Variants in LYPLAL1 observed in about 807,000 individuals in gnomAD.
LYPLAL1 encodes the protein lysophospholipase like 1.
LYPLAL1 carries 23 observed loss-of-function variants against 19.7 expected under a neutral mutation model. The observed-to-expected ratio is 1.17, with a 90% CI of 0.84 to 1.65. The LOEUF (loss-of-function observed/expected upper bound fraction) is 1.65, where lower values mean the gene tolerates loss of function less well. Ranked by LOEUF, LYPLAL1 falls within the 40% of genes most tolerant of loss-of-function variation. The probability of loss-of-function intolerance (pLI) is 0.00; values close to 1 mark genes in which losing one functional copy is unlikely to be tolerated. For synonymous variants in LYPLAL1, 119 were observed against 96.3 expected (o/e 1.24, Z -1.38); for missense variants, 355 against 279.4 (o/e 1.27, Z -1.93).
At chr1:219,322,570 T>G in the LYPLAL1 span, among the ~76,000 whole-genome samples, 1 of 152,218 alleles carries the variant, frequency 6.6e-6, no homozygotes, top group Non-Finnish European at 1.5e-5. Context: ...CTTTTAGGCA[T>G]TCTTCCAGAA....
the LYPLAL1 span, among the ~76,000 whole-genome samples, chr1:219,358,818 T>TAGTGCGTGTGTG: frequency 6.6e-6 from 1 of 151,580 alleles, no homozygotes; most frequent in African/African-American, 2.4e-5. Flanking sequence ...TACATAATTA[T>TAGTGCGTGTGTG]AGTGCGTGTG....
At chr1:219,290,193 G>A in the LYPLAL1 span, among the ~76,000 whole-genome samples, 1 of 152,316 alleles carries the variant, frequency 6.6e-6, no homozygotes, top group East Asian at 1.9e-4. Context: ...AAATGGACAT[G>A]ATTGTGGCTC....
chr1:219,267,783 A>C, the LYPLAL1 span, among the ~76,000 whole-genome samples: 1 of 152,230 alleles, frequency 6.6e-6, no homozygotes, highest in Non-Finnish European at 1.5e-5. Context: ...AGTTAGATAG[A>C]TATGACTCCA....
chr1:219,218,645 A>G, the LYPLAL1 span, among the ~76,000 whole-genome samples: 6 of 152,216 alleles, frequency 3.9e-5, no homozygotes, highest in African/African-American at 1.4e-4. Flanking sequence ...TTCAGACTAT[A>G]TGATCACTCA....
chr1:219,250,632 A>T, the LYPLAL1 span, among the ~76,000 whole-genome samples: 10 of 151,978 alleles, frequency 6.6e-5, no homozygotes, highest in East Asian at 1.7e-3. Context: ...AAAAGACATG[A>T]TCTCATTCTT....
the LYPLAL1 span, among the ~76,000 whole-genome samples, chr1:219,279,051 A>G: frequency 6.6e-6 from 1 of 152,188 alleles, no homozygotes; most frequent in African/African-American, 2.4e-5. Context: ...GATTCCTTCC[A>G]GGAATCCAGC....
At chr1:219,404,167 C>T in the LYPLAL1 span, among the ~76,000 whole-genome samples, 1 of 152,088 alleles carries the variant, frequency 6.6e-6, no homozygotes, top group Non-Finnish European at 1.5e-5. Context: ...CTCATCTCAT[C>T]ATAAGAGCCC....
At chr1:219,262,836 A>G in the LYPLAL1 span, among the ~76,000 whole-genome samples, 1 of 152,210 alleles carries the variant, frequency 6.6e-6, no homozygotes, top group African/African-American at 2.4e-5. Context: ...TGAAGTTGTC[A>G]CATGGACAGA....
chr1:219,175,049 G>C lies in LYPLAL1; in HGVS notation c.91+1068G>C, dbSNP rs887227515. ...GGCTTAAATGGGACGGTGATTGGAA[G>C]GGAATTGGAAAGGTACTGGGCAGAG... On this transcript the variant is annotated intron_variant, in intron 1 of 4. Coordinates refer to ENST00000366928, the MANE Select transcript of LYPLAL1 (RefSeq NM_138794.5). The C allele has an allele frequency of 8.1e-6, 8 of 985,324 alleles. No homozygotes were observed. The African/African-American group carries it at 1.4e-4, about 17-fold the overall frequency. 61.0% of individuals were successfully genotyped at this position (985,324 alleles called of 1,614,324 possible).
At chr1:219,329,100 A>G in the LYPLAL1 span, among the ~76,000 whole-genome samples, 1 of 151,868 alleles carries the variant, frequency 6.6e-6, no homozygotes, top group African/African-American at 2.4e-5. Context: ...TTGTAGTTCA[A>G]CACTTTTCAA....
chr1:219,331,165 T>C, the LYPLAL1 span, among the ~76,000 whole-genome samples: 1 of 152,160 alleles, frequency 6.6e-6, no homozygotes, highest in African/African-American at 2.4e-5. Context: ...AATATAGATA[T>C]CTCAGGCATT....
the LYPLAL1 span, among the ~76,000 whole-genome samples, chr1:219,430,536 G>A: frequency 6.6e-6 from 1 of 152,182 alleles, no homozygotes; most frequent in Non-Finnish European, 1.5e-5. Context: ...ATGTTTGTGG[G>A]ATGAGCAAGT....
chr1:219,327,096 CA>C, the LYPLAL1 span, among the ~76,000 whole-genome samples: 3 of 152,044 alleles, frequency 2.0e-5, no homozygotes, highest in Non-Finnish European at 4.4e-5. Context: ...GACCCCGTCT[CA>C]AAAAACAAAA....
the LYPLAL1 span, among the ~76,000 whole-genome samples, chr1:219,279,578 A>G: frequency 7.2e-5 from 11 of 152,336 alleles, no homozygotes; most frequent in African/African-American, 2.4e-4. Flanking sequence ...CTCATTTATT[A>G]TAACAATGAG....
At chr1:219,262,055 C>T in the LYPLAL1 span, among the ~76,000 whole-genome samples, 318 of 151,956 alleles carry the variant, frequency 2.1e-3, 1 homozygote, top group Admixed American at 3.8e-3. Flanking sequence ...TTTGTTCTTT[C>T]TTATTTGACT....
At chr1:219,302,128 T>C in the LYPLAL1 span, among the ~76,000 whole-genome samples, 8 of 152,202 alleles carry the variant, frequency 5.3e-5, no homozygotes. Flanking sequence ...CCTGTGATGA[T>C]CCTATTATTC....
the LYPLAL1 span, among the ~76,000 whole-genome samples, chr1:219,312,143 G>C: frequency 5.9e-5 from 9 of 152,140 alleles, no homozygotes; most frequent in Non-Finnish European, 1.2e-4. Context: ...TCCCAAGTTT[G>C]GTGCCTTGGG....
At chr1:219,385,690 G>A in the LYPLAL1 span, among the ~76,000 whole-genome samples, 1 of 152,046 alleles carries the variant, frequency 6.6e-6, no homozygotes, top group African/African-American at 2.4e-5. Context: ...AAAGAAGGGG[G>A]AAAGGATGAA....
At chr1:219,375,434 CG>C in the LYPLAL1 span, among the ~76,000 whole-genome samples, 1 of 142,296 alleles carries the variant, frequency 7.0e-6, no homozygotes, top group Non-Finnish European at 1.5e-5. Flanking sequence ...GCACTGCACT[CG>C]AGCCAGGATC....
Sources: allele counts gnomAD v4.1 joint callset (sites outside exome capture counted in the v4.1 genomes callset), GRCh38; gene constraint gnomAD v4.1.1; transcripts MANE v1.5; gene names NCBI Gene and HGNC (gene_info 2026-07-23, HGNC 2026-07-21).